ADK: variants seen among roughly 807,000 people sequenced by gnomAD.
The protein encoded by ADK is N6,N6-dimethyladenosine kinase.
Under a neutral mutation model 44.7 loss-of-function variants are expected in ADK, and 24 were observed. The observed-to-expected ratio is 0.54, with a 90% CI of 0.39 to 0.76. The LOEUF is 0.76. Ranked by LOEUF, ADK falls within the 30% of genes least tolerant of loss-of-function variation. ADK has a pLI of 0.00. For missense variants in ADK, 321 were observed against 425.1 expected (o/e 0.76, Z 2.15); for synonymous variants, 128 against 142.6 (o/e 0.90, Z 0.73).
At position 74,497,012 on chromosome 10, in the gene ADK, A is replaced by G. The variant is rs146323679; in HGVS notation, c.556-28244A>G. On this transcript the variant is annotated intron_variant, in intron 6 of 10. Coordinates refer to ENST00000539909, the MANE Select transcript of ADK (RefSeq NM_006721.4). ...TCTTTTTTAAGAGACAGAGTCTTAC[A>G]GTGTTGCCCAGGTTGGACTCAAATG... Among the ~76,000 whole-genome samples, 140 of 151,364 alleles carry G rather than the reference A, an allele frequency of 9.2e-4. 1 individual carries two copies. The East Asian group carries it at 0.019, about 21-fold the overall frequency.
At chr10:74,250,793 T>G (rs1053912240) in intron 3 of ADK, among the ~76,000 whole-genome samples, 3 of 152,150 alleles carry the variant, frequency 2.0e-5, no homozygotes, top group Non-Finnish European at 2.9e-5. Flanking sequence ...TTTGCTTCAT[T>G]TTTTTGAGAC....
intron 3 of ADK, among the ~76,000 whole-genome samples, chr10:74,284,913 G>A (rs927955139): frequency 6.6e-6 from 1 of 152,236 alleles, no homozygotes; most frequent in South Asian, 2.1e-4. Flanking sequence ...CTTATTTTTT[G>A]CCAAGTATTG....
At chr10:74,645,293 A>C (rs538721166) in intron 9 of ADK, among the ~76,000 whole-genome samples, 8 of 152,042 alleles carry the variant, frequency 5.3e-5, no homozygotes, top group Non-Finnish European at 1.2e-4. Context: ...CAAGTGTTTC[A>C]GTTTTCTTCA....
chr10:74,597,708 T>C (rs946895322), intron 8 of ADK, among the ~76,000 whole-genome samples: 9 of 152,210 alleles, frequency 5.9e-5, no homozygotes, highest in Non-Finnish European at 1.2e-4. Context: ...AGGTACACAG[T>C]GTCACAGATT....
intron 4 of ADK, among the ~76,000 whole-genome samples, chr10:74,374,203 T>A (rs79308811): frequency 6.6e-6 from 1 of 152,054 alleles, no homozygotes; most frequent in Admixed American, 6.5e-5. Context: ...GTTCTAAAAT[T>A]GATGTGGTGA....
At chr10:74,604,958 C>T (rs576243942) in intron 9 of ADK, among the ~76,000 whole-genome samples, 2 of 152,316 alleles carry the variant, frequency 1.3e-5, no homozygotes, top group East Asian at 3.9e-4. Context: ...AGGTCCTTCA[C>T]ATCCCTTGTA....
At chr10:74,657,698 G>A (rs1056476042) in intron 9 of ADK, among the ~76,000 whole-genome samples, 2 of 152,156 alleles carry the variant, frequency 1.3e-5, no homozygotes, top group Non-Finnish European at 2.9e-5. Context: ...ATTGTTAATT[G>A]AGCACCTACT....
chr10:74,688,766 A>G (rs1460990926), intron 10 of ADK, among the ~76,000 whole-genome samples: 1 of 152,178 alleles, frequency 6.6e-6, no homozygotes, highest in East Asian at 1.9e-4. Context: ...AAATTAAAAA[A>G]TTAGCCAGAC....
chr10:74,529,779 C>G (rs1174216662), intron 7 of ADK, among the ~76,000 whole-genome samples: 1 of 152,080 alleles, frequency 6.6e-6, no homozygotes, highest in Admixed American at 6.6e-5. Flanking sequence ...GACCAATAAG[C>G]AGTGGATACA....
intron 9 of ADK, among the ~76,000 whole-genome samples, chr10:74,638,592 G>A (rs1853707179): frequency 6.6e-6 from 1 of 152,194 alleles, no homozygotes; most frequent in Non-Finnish European, 1.5e-5. Context: ...GGAGCTCGAG[G>A]TTACAGTGAG....
chr10:74,707,983 T>C (rs1856665852), intron 10 of ADK, among the ~76,000 whole-genome samples: 1 of 151,878 alleles, frequency 6.6e-6, no homozygotes, highest in Non-Finnish European at 1.5e-5. Flanking sequence ...AAACCCCATC[T>C]CTACTGAAAC....
At chr10:74,375,632 C>A (rs982494160) in intron 4 of ADK, among the ~76,000 whole-genome samples, 4 of 152,064 alleles carry the variant, frequency 2.6e-5, no homozygotes, top group Non-Finnish European at 5.9e-5. Context: ...TCAAGGGGGG[C>A]CAGAATGGCA....
chr10:74,544,492 CTT>C (rs1337089590), intron 7 of ADK, among the ~76,000 whole-genome samples: 1 of 152,076 alleles, frequency 6.6e-6, no homozygotes, highest in Non-Finnish European at 1.5e-5. Context: ...TTTATAGAAA[CTT>C]GATAAATGTG....
chr10:74,562,677 C>T (rs1850505151), intron 7 of ADK, among the ~76,000 whole-genome samples: 1 of 152,104 alleles, frequency 6.6e-6, no homozygotes. Flanking sequence ...AGCTAAATGC[C>T]AGAACATAAA....
At chr10:74,497,345 G>T (rs1047948630) in intron 6 of ADK, among the ~76,000 whole-genome samples, 4 of 152,142 alleles carry the variant, frequency 2.6e-5, no homozygotes, top group Admixed American at 1.3e-4. Context: ...TGGTGTTTTT[G>T]TAGATTTATT....
At chr10:74,453,741 A>G (rs1845851013) in intron 6 of ADK, among the ~76,000 whole-genome samples, 1 of 152,116 alleles carries the variant, frequency 6.6e-6, no homozygotes, top group Admixed American at 6.5e-5. Context: ...TAAACTTATA[A>G]TTCAATAGCT....
intron 9 of ADK, among the ~76,000 whole-genome samples, chr10:74,641,019 T>C (rs1336122989): frequency 3.9e-5 from 6 of 152,226 alleles, no homozygotes; most frequent in African/African-American, 1.4e-4. Flanking sequence ...TAGTAAATTA[T>C]CTGAAATAGA....
intron 3 of ADK, among the ~76,000 whole-genome samples, chr10:74,239,990 T>G (rs1352961172): frequency 1.3e-5 from 2 of 151,342 alleles, no homozygotes; most frequent in Non-Finnish European, 2.9e-5. Flanking sequence ...AGCATATATT[T>G]ATGCTTTTCA....
intron 3 of ADK, among the ~76,000 whole-genome samples, chr10:74,260,065 A>G (rs1845986354): frequency 6.6e-6 from 1 of 151,984 alleles, no homozygotes; most frequent in Non-Finnish European, 1.5e-5. Context: ...AAAAAAAAAA[A>G]CCTTCAAAGG....
Sources: allele counts gnomAD v4.1 joint callset (sites outside exome capture counted in the v4.1 genomes callset), GRCh38; gene constraint gnomAD v4.1.1; transcripts MANE v1.5; gene names NCBI Gene and HGNC (gene_info 2026-07-23, HGNC 2026-07-21).